The following ILDR2 variants were observed in gnomAD, a reference collection of about 807,000 sequenced individuals.
The protein encoded by ILDR2 is immunoglobulin like domain containing receptor 2, also known as immunoglobulin-like domain-containing receptor 2.
ILDR2 carries 25 observed loss-of-function variants against 66.8 expected under a neutral mutation model. That is an observed-to-expected ratio of 0.37 (90% CI 0.27 to 0.52). The LOEUF (loss-of-function observed/expected upper bound fraction) is 0.52. Among genes scored for constraint, ILDR2 ranks in the 20% least tolerant of loss-of-function variants. The pLI, the probability that ILDR2 is intolerant of heterozygous loss-of-function variation, is 0.88. For missense variants in ILDR2, 827 were observed against 876.8 expected (o/e 0.94, Z 0.72); for synonymous variants, 367 against 357.2 (o/e 1.03, Z -0.31).
chr1:166,961,992 T>A (rs1401008044), intron 1 of ILDR2, among the ~76,000 whole-genome samples: 1 of 152,208 alleles, frequency 6.6e-6, no homozygotes, highest in African/African-American at 2.4e-5. Context: ...ACAATGGGAC[T>A]CTAAGCTAAA....
chr1:166,906,132 C>T (rs1421503108), downstream of ILDR2, among the ~76,000 whole-genome samples: 1 of 152,208 alleles, frequency 6.6e-6, no homozygotes, highest in Non-Finnish European at 1.5e-5. Flanking sequence ...GAGGTCAGAG[C>T]TCTCAGGATA....
In ILDR2 at chr1:166,896,082, G is replaced by A. The variant is rs1659162184; in HGVS notation, n.191C>T. The A allele has an allele frequency of 2.0e-5, 3 of 152,232 alleles. No homozygotes were observed. In the South Asian group the frequency reaches 6.2e-4, roughly 31 times the overall value. 9.4% of individuals were successfully genotyped at this position (152,232 alleles called of 1,614,324 possible). On this transcript the variant is annotated non_coding_transcript_exon_variant, in exon 3 of 3. Coordinates refer to the ILDR2 transcript ENST00000414590. ...GACAAGTGATGGGGAGGTGAGGGTA[G>A]CTTCTGCTTCTGCTGTTTTCTGAAA...
chr1:166,907,059 T>A (rs548737519), downstream of ILDR2: 2 of 152,370 alleles, frequency 1.3e-5, no homozygotes, highest in African/African-American at 4.8e-5. Context: ...TTACAATTCT[T>A]ACAGCGCAAG....
chr1:166,907,423 C>T (rs781188797), downstream of ILDR2, among the ~76,000 whole-genome samples: 25 of 152,196 alleles, frequency 1.6e-4, no homozygotes, highest in Admixed American at 6.5e-5. Flanking sequence ...GAGTTATTTA[C>T]GTCTCAGGAA....
chr1:166,967,663 A>G (rs7550130), intron 1 of ILDR2, among the ~76,000 whole-genome samples: 6,754 of 152,242 alleles, frequency 0.044, 524 homozygotes, highest in African/African-American at 0.15. Flanking sequence ...AGGCTGAGGT[A>G]CAAGAACTGC....
chr1:166,967,857 ACT>A (rs1445376244), intron 1 of ILDR2, among the ~76,000 whole-genome samples: 6 of 151,716 alleles, frequency 4.0e-5, no homozygotes, highest in Admixed American at 1.3e-4. Flanking sequence ...GCACTTTGAC[ACT>A]CTCTCCCCTT....
At chr1:166,971,621 G>C (rs767109682) in intron 1 of ILDR2, among the ~76,000 whole-genome samples, 1 of 152,018 alleles carries the variant, frequency 6.6e-6, no homozygotes, top group Non-Finnish European at 1.5e-5. Context: ...CATCGTGCCC[G>C]GCTAATTTTT....
chr1:166,939,666 G>C, intron 3 of ILDR2, 96 bp from the exon 4 acceptor site: 1 of 909,730 alleles, frequency 1.1e-6, no homozygotes. Context: ...CCACACGTGC[G>C]GCCATTAGTG....
chr1:166,950,590 C>A (rs1661917576), intron 3 of ILDR2, among the ~76,000 whole-genome samples: 1 of 152,138 alleles, frequency 6.6e-6, no homozygotes, highest in Non-Finnish European at 1.5e-5. Flanking sequence ...AAGTCAATCG[C>A]AAATTCTGAG....
At chr1:166,963,324 T>C (rs574084772) in intron 1 of ILDR2, among the ~76,000 whole-genome samples, 75 of 152,362 alleles carry the variant, frequency 4.9e-4, no homozygotes, top group African/African-American at 1.8e-3. Context: ...ATGAATTCTC[T>C]CAAAATCCTA....
chr1:166,972,469 T>TG (rs957822185), intron 1 of ILDR2, among the ~76,000 whole-genome samples: 14 of 152,200 alleles, frequency 9.2e-5, no homozygotes, highest in African/African-American at 3.4e-4. Flanking sequence ...AAATAGCAGC[T>TG]GGTAAGCATT....
intron 2 of ILDR2, among the ~76,000 whole-genome samples, chr1:166,897,351 T>C (rs982801324): frequency 6.6e-6 from 1 of 152,082 alleles, no homozygotes; most frequent in Non-Finnish European, 1.5e-5. Context: ...TCCGGGGAGG[T>C]AAACTCTAAA....
rs113765365 is a variant in ILDR2, at chr1:166,927,640, T to C, written c.881-460A>G. 2.5e-4 allele frequency among the ~76,000 whole-genome samples: 38 copies of C among 152,222 alleles called. 1 individual carries two copies. Among genetic ancestry groups the C allele is most frequent in the African/African-American group, 8.9e-4 (37 of 41,456 alleles). On this transcript the variant is annotated intron_variant, in intron 6 of 9. Transcript: ENST00000271417. ...ACAGATACTCAAACATCAAGGGCCT[T>C]GACAAAGTTGGCCTGAAAGCTTTGA...
intron 1 of ILDR2, among the ~76,000 whole-genome samples, chr1:166,964,342 C>T (rs1662806300): frequency 6.6e-6 from 1 of 152,134 alleles, no homozygotes; most frequent in African/African-American, 2.4e-5. Context: ...TTTTGAAACA[C>T]TACGCTAAGT....
intron 7 of ILDR2, among the ~76,000 whole-genome samples, 171 bp downstream of exon 7, chr1:166,926,896 T>C (rs1162306699): frequency 6.7e-6 from 1 of 149,550 alleles, no homozygotes; most frequent in Non-Finnish European, 1.5e-5. Context: ...CCAGAAGACC[T>C]TTTTTTCCCC....
chr1:166,971,538 G>A (rs1315634258), intron 1 of ILDR2, among the ~76,000 whole-genome samples: 1 of 152,142 alleles, frequency 6.6e-6, no homozygotes, highest in Non-Finnish European at 1.5e-5. Flanking sequence ...TCAGCTCACT[G>A]CAGCCTCTAC....
chr1:166,934,835 G>C (rs1265742052), intron 6 of ILDR2, among the ~76,000 whole-genome samples: 1 of 152,196 alleles, frequency 6.6e-6, no homozygotes, highest in Non-Finnish European at 1.5e-5. Context: ...TTTGTGACCA[G>C]TCCAGTTCTT....
At chr1:166,898,661 AT>A (rs1659211147) in intron 2 of ILDR2, among the ~76,000 whole-genome samples, 1 of 152,178 alleles carries the variant, frequency 6.6e-6, no homozygotes, top group Non-Finnish European at 1.5e-5. Context: ...CTTGTACATG[AT>A]ATGACATGAT....
In ILDR2 at chr1:166,916,774, C is replaced by G. The variant is rs1386120530; in HGVS notation, c.*2581G>C. ...TCAGTAGCCTGCTATCTTCTTTGTA[C>G]TTTTCAGTCTATCTGTAGTTTTGTT... On this transcript the variant is annotated 3_prime_UTR_variant, in exon 10 of 10. Coordinates refer to ENST00000271417, the MANE Select transcript of ILDR2 (RefSeq NM_199351.3). 6.6e-6 allele frequency: 1 copy of G among 152,216 alleles called. No individual in the cohort carries two copies. Among genetic ancestry groups the G allele is most frequent in the Non-Finnish European group, 1.5e-5 (1 of 68,032 alleles). 9.4% of individuals were successfully genotyped at this position (152,216 alleles called of 1,614,324 possible).
Sources: allele counts gnomAD v4.1 joint callset (sites outside exome capture counted in the v4.1 genomes callset), GRCh38; gene constraint gnomAD v4.1.1; transcripts MANE v1.5; gene names NCBI Gene and HGNC (gene_info 2026-07-23, HGNC 2026-07-21).